The following AGO3 variants were observed in gnomAD, a reference collection of about 807,000 sequenced individuals.
The protein encoded by AGO3 is protein argonaute-3.
AGO3 carries 16 observed loss-of-function variants against 105.5 expected under a neutral mutation model. The observed-to-expected ratio is 0.15, with a 90% CI of 0.10 to 0.23. The LOEUF (loss-of-function observed/expected upper bound fraction) is 0.23. Among genes scored for constraint, AGO3 ranks in the 10% least tolerant of loss-of-function variants. AGO3 has a pLI of 1.00. For missense variants in AGO3, 534 were observed against 1,088.0 expected, an observed-to-expected ratio of 0.49 and a Z score of 7.16; for synonymous variants, 340 against 367.3, an observed-to-expected ratio of 0.93 and a Z score of 0.85.
At chr1:36,037,452 C>T (rs890626154) in intron 14 of AGO3, among the ~76,000 whole-genome samples, 2 of 151,962 alleles carry the variant, frequency 1.3e-5, no homozygotes, top group South Asian at 2.1e-4. Context: ...ACTCGGGAGG[C>T]GGAGGTTGCA....
intron 5 of AGO3, 172 bp downstream of exon 5, chr1:35,973,683 G>A: frequency 1.4e-6 from 1 of 735,502 alleles, no homozygotes. Context: ...TAGAAAGCCT[G>A]TAGAATTTAC....
intron 16 of AGO3, among the ~76,000 whole-genome samples, chr1:36,042,674 G>A (rs1642299085): frequency 1.3e-5 from 2 of 152,140 alleles, no homozygotes; most frequent in Admixed American, 6.6e-5. Flanking sequence ...AGGCGGTGGA[G>A]GTGGGTATAA....
At chr1:35,969,731 C>T (rs544429320) in intron 3 of AGO3, among the ~76,000 whole-genome samples, 6 of 152,228 alleles carry the variant, frequency 3.9e-5, no homozygotes, top group South Asian at 2.1e-4. Context: ...TGTATACTTA[C>T]GCAAACCTGA....
chr1:35,933,652 A>C lies in AGO3; in HGVS notation c.19+2207A>C, dbSNP rs866894033. 5.2e-4 allele frequency among the ~76,000 whole-genome samples: 77 copies of C among 149,202 alleles called. 1 individual carries two copies. The South Asian group carries it at 0.015, about 29-fold the overall frequency. ...CAAGACCCTGTCTCAAAAAAAAAAA[A>C]AAAAAAAAAAAAAAAAAAAATCATC... On this transcript the variant is annotated intron_variant, in intron 1 of 18. Coordinates refer to ENST00000373191, the MANE Select transcript of AGO3 (RefSeq NM_024852.4).
chr1:36,004,251 C>T (rs1467617141), intron 5 of AGO3, 90 bp from the exon 6 acceptor site: 2 of 1,334,238 alleles, frequency 1.5e-6, no homozygotes, highest in East Asian at 2.4e-5. Context: ...ATCATTTTAA[C>T]CCTATAGATA....
intron 6 of AGO3, 23 bp downstream of exon 6, chr1:36,004,498 C>T (rs765445555): frequency 9.6e-6 from 15 of 1,554,812 alleles, no homozygotes; most frequent in Non-Finnish European, 1.3e-5. Context: ...GCATTTAGCA[C>T]AACTTAACTA....
intron 11 of AGO3, among the ~76,000 whole-genome samples, chr1:36,015,151 C>A (rs1024927361): frequency 6.6e-6 from 1 of 152,140 alleles, no homozygotes; most frequent in Non-Finnish European, 1.5e-5. Context: ...GTCATGGGTT[C>A]CCATGACCCC....
Position 35,972,012 on chromosome 1 carries a change from T to C in AGO3, c.313-12T>C. On this transcript the variant is annotated splice_polypyrimidine_tract_variant and intron_variant, in intron 3 of 18. Coordinates refer to ENST00000373191, the MANE Select transcript of AGO3 (RefSeq NM_024852.4). Reference sequence around the variant, plus strand: ...TTCAACATTTACCAGTTGACTCTTTTCCCATCAACAGGTAGATTTAGACGT... The same window carrying C: ...TTCAACATTTACCAGTTGACTCTTTCCCCATCAACAGGTAGATTTAGACGT... 6.2e-7 allele frequency: 1 copy of C among 1,609,446 alleles called. No homozygotes were observed. The highest frequency in any genetic ancestry group is 8.5e-7 in the Non-Finnish European group (1 of 1,176,294).
rs1035543026 is a variant in AGO3 at position 36,069,407 on chromosome 1, A to G, written c.*13662A>G. ...GCATGATCACTAAATTGTTGTAAGA[A>G]TAAGATAATGTTTGCGGAAGCATTT... On this transcript the variant is annotated 3_prime_UTR_variant, in exon 19 of 19. Coordinates refer to ENST00000373191, the MANE Select transcript of AGO3 (RefSeq NM_024852.4). 1 of 152,240 alleles carries G rather than the reference A, an allele frequency of 6.6e-6. No individual in the cohort carries two copies. The highest frequency in any genetic ancestry group is 1.5e-5 in the Non-Finnish European group (1 of 68,050). 9.4% of individuals were successfully genotyped at this position (152,240 alleles called of 1,614,324 possible). A position where few individuals can be genotyped will look rare whatever the true frequency, so the allele number is the denominator to read the frequency against.
chr1:36,010,742 A>G (rs1428108042), intron 9 of AGO3, among the ~76,000 whole-genome samples: 1 of 152,016 alleles, frequency 6.6e-6, no homozygotes, highest in East Asian at 1.9e-4. Context: ...CTCCGTGTCT[A>G]CTAAAAATAC....
chr1:35,934,978 G>A (rs190806200), intron 1 of AGO3, among the ~76,000 whole-genome samples: 5 of 152,160 alleles, frequency 3.3e-5, no homozygotes, highest in Admixed American at 6.5e-5. Flanking sequence ...CTCACTTGTA[G>A]TTCTTTGCCT....
intron 2 of AGO3, among the ~76,000 whole-genome samples, chr1:35,965,262 C>T (rs1333711254): frequency 5.9e-5 from 9 of 151,970 alleles, no homozygotes; most frequent in East Asian, 5.8e-4. Context: ...GAGGCCGAGG[C>T]GGGCGGATCA....
chr1:35,985,837 G>T (rs1204259527), intron 5 of AGO3, among the ~76,000 whole-genome samples: 1 of 152,082 alleles, frequency 6.6e-6, no homozygotes, highest in African/African-American at 2.4e-5. Flanking sequence ...TAGAAAATTT[G>T]TAACTCATAT....
At chr1:36,003,711 T>A (rs419066) in intron 5 of AGO3, among the ~76,000 whole-genome samples, 27,143 of 71,398 alleles carry the variant, frequency 0.38, 3,727 homozygotes, top group Non-Finnish European at 0.43. Flanking sequence ...AAAAAAAAAA[T>A]ATATATATAT....
intron 3 of AGO3, among the ~76,000 whole-genome samples, chr1:35,969,268 A>G (rs1004282393): frequency 6.6e-6 from 1 of 152,096 alleles, no homozygotes; most frequent in African/African-American, 2.4e-5. Flanking sequence ...ACTTCTTATC[A>G]GATATATAAT....
chr1:36,031,181 T>G (rs374154828), intron 12 of AGO3, among the ~76,000 whole-genome samples: 16 of 152,252 alleles, frequency 1.1e-4, no homozygotes, highest in African/African-American at 3.9e-4. Context: ...TTTTGTTTTG[T>G]TTTTTAGAGA....
Position 36,013,690 on chromosome 1 carries a change from G to A in AGO3, c.1210G>A (p.Asp404Asn). 1 of 1,614,178 alleles carries A rather than the reference G, an allele frequency of 6.2e-7. No homozygotes were observed. Among genetic ancestry groups the A allele is most frequent in the Non-Finnish European group, 8.5e-7 (1 of 1,180,034 alleles). Reference protein sequence around the residue: ...FVQEFQFKVRDEMAHVTGRVL... With the variant: ...FVQEFQFKVRNEMAHVTGRVL... ...TCAGGAGTTTCAATTTAAAGTTCGG[G>A]ATGAAATGGCTCATGTAACTGGACG... Residue 404 changes from aspartate to asparagine, a missense_variant, in exon 10 of 19, where the codon GAT (aspartate) becomes AAT (asparagine). Transcript: ENST00000373191.
intron 2 of AGO3, among the ~76,000 whole-genome samples, chr1:35,955,199 T>C (rs1392570849): frequency 6.6e-6 from 1 of 152,212 alleles, no homozygotes; most frequent in Non-Finnish European, 1.5e-5. Context: ...AGGACCATAC[T>C]TGATGACAGT....
intron 12 of AGO3, among the ~76,000 whole-genome samples, chr1:36,032,489 C>T (rs1569873836): frequency 6.6e-6 from 1 of 152,016 alleles, no homozygotes; most frequent in Non-Finnish European, 1.5e-5. Context: ...CCATGCAATC[C>T]TCTTGCCTCA....
Sources: gnomAD v4.1 joint callset for allele counts (sites outside exome capture counted in the v4.1 genomes callset) on GRCh38, gnomAD v4.1.1 for gene constraint, MANE v1.5 for transcripts, NCBI Gene and HGNC (gene_info 2026-07-23, HGNC 2026-07-21) for gene names.